Variants in KLF12 observed in about 807,000 individuals in gnomAD.
KLF12 encodes the protein KLF transcription factor 12, also known as Krueppel-like factor 12.
KLF12 carries 9 observed loss-of-function variants against 37.8 expected under a neutral mutation model. That is an observed-to-expected ratio of 0.24 (90% confidence interval 0.14 to 0.42). KLF12 has a LOEUF of 0.42. Among genes scored for constraint, KLF12 ranks in the 10% least tolerant of loss-of-function variants. The probability of loss-of-function intolerance (pLI) is 1.00; values close to 1 mark genes in which losing one functional copy is unlikely to be tolerated. For missense variants in KLF12, 411 were observed against 516.0 expected (o/e 0.80, Z 1.97); for synonymous variants, 208 against 202.1 (o/e 1.03, Z -0.25).
intron 6 of KLF12, among the ~76,000 whole-genome samples, chr13:73,763,962 G>A (rs538971384): frequency 9.9e-5 from 15 of 152,172 alleles, no homozygotes; most frequent in East Asian, 5.8e-4. Flanking sequence ...ATTAGATTTC[G>A]TGGGGGAAGG....
intron 5 of KLF12, among the ~76,000 whole-genome samples, chr13:73,793,773 G>C (rs1032223211): frequency 1.1e-4 from 16 of 152,140 alleles, no homozygotes; most frequent in Admixed American, 1.0e-3. Flanking sequence ...ACAGATACAT[G>C]TGAATCTAAC....
intron 1 of KLF12, among the ~76,000 whole-genome samples, chr13:74,113,119 T>C (rs368808626): frequency 6.4e-4 from 98 of 152,260 alleles, no homozygotes; most frequent in South Asian, 2.9e-3. Context: ...GAAAGTTGCG[T>C]TGGAAGCCGG....
intron 5 of KLF12, among the ~76,000 whole-genome samples, chr13:73,794,896 T>G (rs974026303): frequency 2.0e-5 from 3 of 152,230 alleles, no homozygotes; most frequent in Non-Finnish European, 2.9e-5. Context: ...TCAGATTGCT[T>G]ATGTTCTCTG....
intron 1 of KLF12, among the ~76,000 whole-genome samples, chr13:74,112,715 C>T (rs1388716335): frequency 6.6e-6 from 1 of 152,100 alleles, no homozygotes; most frequent in Non-Finnish European, 1.5e-5. Flanking sequence ...CTCCCGGAGA[C>T]TTAACAACAC....
chr13:74,086,158 G>A (rs9543526), intron 1 of KLF12, among the ~76,000 whole-genome samples: 19,332 of 151,336 alleles, frequency 0.13, 1,471 homozygotes, highest in Non-Finnish European at 0.18. Context: ...TAGGGTACAC[G>A]TGCACAATGT....
chr13:74,076,023 G>T (rs141260110), intron 1 of KLF12, among the ~76,000 whole-genome samples: 315 of 152,226 alleles, frequency 2.1e-3, no homozygotes, highest in African/African-American at 5.2e-3. Context: ...GGATATCCCT[G>T]AATACCACTA....
chr13:73,701,934 AC>A (rs1480691898), intron 7 of KLF12, among the ~76,000 whole-genome samples: 4 of 152,206 alleles, frequency 2.6e-5, no homozygotes, highest in Non-Finnish European at 5.9e-5. Flanking sequence ...TGAAAAAGAA[AC>A]GTGTTAACCA....
intron 3 of KLF12, among the ~76,000 whole-genome samples, chr13:73,943,592 T>G (rs1398905523): frequency 6.6e-6 from 1 of 152,228 alleles, no homozygotes; most frequent in Non-Finnish European, 1.5e-5. Context: ...AACATTCTCA[T>G]AGCGGTACTT....
intron 5 of KLF12, chr13:73,801,453 G>C (rs1422139490): frequency 6.6e-6 from 1 of 152,072 alleles, no homozygotes; most frequent in Non-Finnish European, 1.5e-5. Context: ...GGAACTTGTA[G>C]TGAAACTTAT....
chr13:73,870,549 G>A (rs1176247508), intron 3 of KLF12, among the ~76,000 whole-genome samples: 2 of 152,214 alleles, frequency 1.3e-5, no homozygotes, highest in Admixed American at 6.5e-5. Context: ...GTGCATGTGT[G>A]TGTGTTTACA....
At chr13:74,090,588 C>T (rs566105453) in intron 1 of KLF12, among the ~76,000 whole-genome samples, 1 of 152,100 alleles carries the variant, frequency 6.6e-6, no homozygotes, top group Non-Finnish European at 1.5e-5. Context: ...ATTTGCATTT[C>T]CCTGATGACT....
At chr13:74,280,432 C>T in the KLF12 span, among the ~76,000 whole-genome samples, 1 of 152,152 alleles carries the variant, frequency 6.6e-6, no homozygotes, top group Non-Finnish European at 1.5e-5. Context: ...AGTGAGCTTG[C>T]CTTATTATCT....
At chr13:74,049,397 C>T (rs1893626848) in intron 1 of KLF12, among the ~76,000 whole-genome samples, 1 of 152,142 alleles carries the variant, frequency 6.6e-6, no homozygotes, top group African/African-American at 2.4e-5. Context: ...AAGGGTGCAA[C>T]ACATAATAGC....
At chr13:73,908,374 C>A (rs925473112) in intron 3 of KLF12, among the ~76,000 whole-genome samples, 1 of 142,812 alleles carries the variant, frequency 7.0e-6, no homozygotes, top group African/African-American at 2.6e-5. Flanking sequence ...TGCACTCCAG[C>A]CTGGGTGACA....
chr13:74,095,276 G>A (rs1010500790), intron 1 of KLF12, among the ~76,000 whole-genome samples: 1 of 152,074 alleles, frequency 6.6e-6, no homozygotes. Context: ...AAAGTTTATA[G>A]CAATATAATT....
chr13:74,117,592 A>G (rs933831393), intron 1 of KLF12, among the ~76,000 whole-genome samples: 4 of 152,188 alleles, frequency 2.6e-5, no homozygotes, highest in African/African-American at 7.2e-5. Context: ...AAGGAAATGG[A>G]AAAAAATTAC....
At chr13:73,820,942 CTG>C (rs1813616406) in intron 4 of KLF12, among the ~76,000 whole-genome samples, 1 of 152,174 alleles carries the variant, frequency 6.6e-6, no homozygotes, top group Non-Finnish European at 1.5e-5. Context: ...GCCCTGCCAC[CTG>C]TCTCTGTAAT....
At chr13:74,174,632 C>T in the KLF12 span, among the ~76,000 whole-genome samples, 4 of 152,152 alleles carry the variant, frequency 2.6e-5, no homozygotes, top group Non-Finnish European at 5.9e-5. Context: ...CGATGTCTCC[C>T]TAGGCCCATG....
chr13:74,253,109 C>T, the KLF12 span, among the ~76,000 whole-genome samples: 10 of 152,214 alleles, frequency 6.6e-5, no homozygotes, highest in South Asian at 1.9e-3. Context: ...TCTATCCACC[C>T]ATTCATCATC....
Sources: allele counts gnomAD v4.1 joint callset (sites outside exome capture counted in the v4.1 genomes callset), GRCh38; gene constraint gnomAD v4.1.1; transcripts MANE v1.5; gene names NCBI Gene and HGNC (gene_info 2026-07-23, HGNC 2026-07-21).